RANBP2: variants seen among roughly 807,000 people sequenced by gnomAD.
RANBP2 encodes E3 SUMO-protein ligase RanBP2.
RANBP2 carries 57 observed loss-of-function variants against 303.6 expected under a neutral mutation model. The observed-to-expected ratio is 0.19, with a 90% confidence interval of 0.15 to 0.23. The LOEUF is 0.23. Among genes scored for constraint, RANBP2 ranks in the 10% least tolerant of loss-of-function variants. The pLI is 1.00. For missense variants in RANBP2, 3,138 were observed against 3,780.8 expected (o/e 0.83, Z 4.46); for synonymous variants, 1,167 against 1,301.5 (o/e 0.90, Z 2.23).
At chr2:108,736,944 G>A (rs1436332676) in intron 6 of RANBP2, among the ~76,000 whole-genome samples, 1 of 151,176 alleles carries the variant, frequency 6.6e-6, no homozygotes, top group Non-Finnish European at 1.5e-5. Context: ...TACAAGGTTG[G>A]AGTTGAGTGG....
chr2:108,752,256 G>C (rs1230021942), intron 12 of RANBP2, among the ~76,000 whole-genome samples: 1 of 149,992 alleles, frequency 6.7e-6, no homozygotes, highest in Admixed American at 6.6e-5. Flanking sequence ...TATTCAGCCT[G>C]AAAATTAAAA....
the RANBP2 span, among the ~76,000 whole-genome samples, chr2:109,337,667 C>G: frequency 6.6e-6 from 1 of 151,788 alleles, no homozygotes; most frequent in East Asian, 1.9e-4. Context: ...GTGCCATATG[C>G]TATCAGCATA....
chr2:108,873,478 G>A, the RANBP2 span: 3 of 1,604,802 alleles, frequency 1.9e-6, no homozygotes, highest in Admixed American at 1.7e-5. Context: ...CTGGAAGCCT[G>A]TAGCAACTCT....
the RANBP2 span, among the ~76,000 whole-genome samples, chr2:109,703,904 G>A: frequency 2.0e-5 from 3 of 152,194 alleles, no homozygotes; most frequent in South Asian, 2.1e-4. Flanking sequence ...TCCACACCGC[G>A]TAAATTGGCT....
the RANBP2 span, among the ~76,000 whole-genome samples, chr2:109,323,005 G>T: frequency 6.6e-6 from 1 of 152,218 alleles, no homozygotes; most frequent in Non-Finnish European, 1.5e-5. Flanking sequence ...GAGCTGTGTT[G>T]CAGAGGGATT....
the RANBP2 span, among the ~76,000 whole-genome samples, chr2:109,237,660 G>C: frequency 6.6e-6 from 1 of 152,046 alleles, no homozygotes; most frequent in South Asian, 2.1e-4. Context: ...TTTATGTGAG[G>C]CCCAAGACGG....
At chr2:109,578,773 G>GAA in the RANBP2 span, among the ~76,000 whole-genome samples, 3 of 135,004 alleles carry the variant, frequency 2.2e-5, no homozygotes, top group African/African-American at 5.4e-5. Context: ...CCTCAAAAAA[G>GAA]AAAAAAAAAA....
the RANBP2 span, among the ~76,000 whole-genome samples, chr2:109,637,797 C>G: frequency 6.6e-6 from 1 of 152,092 alleles, no homozygotes; most frequent in Admixed American, 6.6e-5. Flanking sequence ...TTTCTTATGT[C>G]TTCCCTTTCT....
chr2:109,516,807 C>G, the RANBP2 span, among the ~76,000 whole-genome samples: 7 of 152,236 alleles, frequency 4.6e-5, no homozygotes, highest in Non-Finnish European at 7.3e-5. Flanking sequence ...ACGATGGCTG[C>G]ATTTTCCAAA....
chr2:109,602,433 T>G, the RANBP2 span, among the ~76,000 whole-genome samples: 104 of 152,238 alleles, frequency 6.8e-4, 1 homozygote, highest in African/African-American at 2.5e-3. Flanking sequence ...GCCAGCACCT[T>G]GGGAGGCCAA....
the RANBP2 span, chr2:109,251,426 G>T: frequency 2.8e-6 from 2 of 708,432 alleles, no homozygotes; most frequent in Non-Finnish European, 2.7e-6. Flanking sequence ...GACACCATGA[G>T]CAAAGCTCAC....
At chr2:109,529,523 G>A in the RANBP2 span, among the ~76,000 whole-genome samples, 1 of 152,232 alleles carries the variant, frequency 6.6e-6, no homozygotes, top group Admixed American at 6.5e-5. Flanking sequence ...GGACAGCAGA[G>A]CAATAGGGTG....
chr2:108,748,975 T>G lies in RANBP2; in HGVS notation c.1119T>G (p.Val373=). 6.2e-7 allele frequency: 1 copy of G among 1,612,012 alleles called. No individual in the cohort carries two copies. Among genetic ancestry groups the G allele is most frequent in the Non-Finnish European group, 8.5e-7 (1 of 1,179,868 alleles). ...AGCAAGATTTTTTAAAAGAGATTGT[T>G]GAAACTTTTGCCAACAAAAGCGGGC... ...RGKQDFLKEI[V]ETFANKSGQS... The change falls in exon 9 of 29, where the codon GTT becomes GTG. Residue 373 remains valine, a synonymous_variant. Transcript: ENST00000283195.
the RANBP2 span, among the ~76,000 whole-genome samples, chr2:108,937,470 TGA>T: frequency 2.4e-4 from 37 of 152,236 alleles, no homozygotes; most frequent in African/African-American, 8.9e-4. Flanking sequence ...TGTGTATATG[TGA>T]GTGTGTGCAT....
chr2:109,569,126 T>G, the RANBP2 span, among the ~76,000 whole-genome samples: 1 of 152,136 alleles, frequency 6.6e-6, no homozygotes, highest in Admixed American at 6.6e-5. Context: ...AATGTAATTT[T>G]CAGATTAAAA....
At chr2:109,049,959 T>C in the RANBP2 span, among the ~76,000 whole-genome samples, 1 of 152,204 alleles carries the variant, frequency 6.6e-6, no homozygotes, top group African/African-American at 2.4e-5. Flanking sequence ...AGCTGCTGGC[T>C]GTGTCCACAC....
the RANBP2 span, among the ~76,000 whole-genome samples, chr2:108,875,709 A>T: frequency 1.3e-5 from 2 of 152,078 alleles, no homozygotes; most frequent in African/African-American, 4.8e-5. Context: ...AATAAACAAA[A>T]TTAGCCAGGT....
At chr2:109,673,653 C>T in the RANBP2 span, among the ~76,000 whole-genome samples, 2 of 151,834 alleles carry the variant, frequency 1.3e-5, no homozygotes, top group Admixed American at 1.3e-4. Context: ...CACCTGAGGT[C>T]AGGAGTTCGA....
the RANBP2 span, chr2:109,436,773 C>G: frequency 7.0e-7 from 1 of 1,431,748 alleles, no homozygotes; most frequent in East Asian, 2.5e-5. Flanking sequence ...ACCTCGTCCC[C>G]AGATCAGTTG....
Sources: gnomAD v4.1 joint callset for allele counts (sites outside exome capture counted in the v4.1 genomes callset) on GRCh38, gnomAD v4.1.1 for gene constraint, MANE v1.5 for transcripts, NCBI Gene and HGNC (gene_info 2026-07-23, HGNC 2026-07-21) for gene names.